The following VGLL4 variants were observed in gnomAD, a reference collection of about 807,000 sequenced individuals.
The protein encoded by VGLL4 is vestigial like family member 4.
A neutral mutation model predicts 21.0 loss-of-function variants in VGLL4; 7 were observed. The observed-to-expected ratio is 0.33, with a 90% CI of 0.19 to 0.63. VGLL4 has a LOEUF of 0.63. Among genes scored for constraint, VGLL4 ranks in the 20% least tolerant of loss-of-function variants. The probability of loss-of-function intolerance (pLI) is 0.78; values close to 1 mark genes in which losing one functional copy is unlikely to be tolerated. For missense variants in VGLL4, 394 were observed against 425.7 expected, an observed-to-expected ratio of 0.93 and a Z score of 0.66; for synonymous variants, 222 against 173.2, an observed-to-expected ratio of 1.28 and a Z score of -2.21.
intron 2 of VGLL4, among the ~76,000 whole-genome samples, chr3:11,656,817 C>G (rs2075965736): frequency 6.6e-6 from 1 of 152,142 alleles, no homozygotes; most frequent in Non-Finnish European, 1.5e-5. Context: ...TCCAGGCTCT[C>G]AGAGAAGCAA....
At chr3:11,607,843 A>C (rs2074979542) in intron 1 of VGLL4, among the ~76,000 whole-genome samples, 1 of 152,236 alleles carries the variant, frequency 6.6e-6, no homozygotes, top group South Asian at 2.1e-4. Flanking sequence ...AAAAAGTCAA[A>C]TCAGTGAAAC....
At chr3:11,670,756 G>A (rs28469018) in intron 2 of VGLL4, among the ~76,000 whole-genome samples, 33,050 of 152,030 alleles carry the variant, frequency 0.22, 4,226 homozygotes, top group African/African-American at 0.35. Context: ...GAGAGTGGTG[G>A]GCCAGGCACA....
At chr3:11,690,798 G>A (rs751952726) in intron 2 of VGLL4, among the ~76,000 whole-genome samples, 2 of 152,100 alleles carry the variant, frequency 1.3e-5, no homozygotes, top group Admixed American at 6.6e-5. Context: ...TAAATCTAAA[G>A]CCAATGAGGA....
At chr3:11,606,918 G>GT (rs1464527228) in intron 1 of VGLL4, among the ~76,000 whole-genome samples, 1 of 152,146 alleles carries the variant, frequency 6.6e-6, no homozygotes, top group Non-Finnish European at 1.5e-5. Flanking sequence ...TTTAAGAGCT[G>GT]TAACACTCAC....
chr3:11,668,847 C>G (rs17035069), intron 2 of VGLL4, among the ~76,000 whole-genome samples: 38,042 of 152,146 alleles, frequency 0.25, 5,101 homozygotes, highest in South Asian at 0.35. Flanking sequence ...TCCCAACTAA[C>G]CATCCCATTA....
intron 1 of VGLL4, among the ~76,000 whole-genome samples, chr3:11,615,683 C>T (rs1355425199): frequency 6.6e-6 from 1 of 152,052 alleles, no homozygotes; most frequent in Non-Finnish European, 1.5e-5. Context: ...TTTTTATTTC[C>T]CATACTCATT....
intron 1 of VGLL4, chr3:11,610,427 G>C (rs1397514109): frequency 6.6e-6 from 1 of 152,162 alleles, no homozygotes; most frequent in Non-Finnish European, 1.5e-5. Context: ...AAGCCGTGAC[G>C]TGCTGTCTGC....
chr3:11,581,824 G>A (rs568575353), intron 2 of VGLL4, among the ~76,000 whole-genome samples: 14 of 152,326 alleles, frequency 9.2e-5, no homozygotes, highest in African/African-American at 2.4e-4. Flanking sequence ...TTTTGGAGGC[G>A]ATCTTGGCAG....
At chr3:11,643,315 G>A in intron 1 of VGLL4, 122 bp downstream of exon 1, 11 of 1,470,002 alleles carry the variant, frequency 7.5e-6, no homozygotes, top group Non-Finnish European at 1.0e-5. Context: ...AGAAACGCCG[G>A]CCTTTCAAGT....
In VGLL4 at chr3:11,573,291, GAAAGAAAGAAAGAAAGGAAGGAAGGAAGA is replaced by G. The variant is rs2073883843; in HGVS notation, c.273-8301_273-8273del. 3.7e-4 allele frequency among the ~76,000 whole-genome samples: 4 copies of G among 10,914 alleles called. 1 individual carries two copies. The highest frequency in any genetic ancestry group is 3.0e-3 in the African/African-American group (4 of 1,344). The allele number at this position is 10,914 out of a possible 152,430, so 7.2% of individuals were successfully genotyped here. On this transcript the variant is annotated intron_variant, in intron 2 of 4. Transcript: ENST00000430365. The stretch of plus-strand genomic sequence containing the variant: ...AGAAAGAAAGAAAGAAAGAAAGAAA[GAAAGAAAGAAAGAAAGGAAGGAAGGAAGA>G]AAGAAAGAAAGAAAGAAAGAAAGAA...
chr3:11,710,149 C>A (rs1404829023), intron 1 of VGLL4, among the ~76,000 whole-genome samples: 1 of 152,180 alleles, frequency 6.6e-6, no homozygotes, highest in African/African-American at 2.4e-5. Context: ...GGCACTAAAC[C>A]ATTCATGAGG....
chr3:11,638,018 C>T (rs2075620825), intron 1 of VGLL4, among the ~76,000 whole-genome samples: 1 of 152,172 alleles, frequency 6.6e-6, no homozygotes, highest in African/African-American at 2.4e-5. Context: ...GAAACATTCC[C>T]TGGTCCGACT....
chr3:11,612,383 T>TA (rs1200068855), intron 1 of VGLL4, among the ~76,000 whole-genome samples: 1 of 152,192 alleles, frequency 6.6e-6, no homozygotes, highest in Non-Finnish European at 1.5e-5. Context: ...ACTAATGTCT[T>TA]ACTATACATA....
chr3:11,627,228 A>ACTCTCTCTCTCTCT (rs1412462202), intron 1 of VGLL4: 66 of 123,456 alleles, frequency 5.3e-4, no homozygotes, highest in African/African-American at 2.5e-3. Context: ...ACACACACAC[A>ACTCTCTCTCTCTCT]CACTCTCTCT....
chr3:11,689,324 G>C (rs1410930357), intron 2 of VGLL4, among the ~76,000 whole-genome samples: 12 of 151,892 alleles, frequency 7.9e-5, no homozygotes, highest in Non-Finnish European at 1.8e-4. Flanking sequence ...TCCTTTCCTC[G>C]TCCCGCTTCC....
intron 4 of VGLL4, 49 bp downstream of exon 4, chr3:11,559,283 T>C (rs750565393): frequency 1.6e-5 from 23 of 1,482,796 alleles, no homozygotes; most frequent in Non-Finnish European, 2.0e-5. Flanking sequence ...AGAAGGGCTC[T>C]GCTGCCACTA....
rs963291664 is a variant in VGLL4, at chr3:11,719,860, G to A, written c.-14+534C>T. Among the ~76,000 whole-genome samples, 4 of 151,894 alleles carry A rather than the reference G, an allele frequency of 2.6e-5. No individual in the cohort carries two copies. Among genetic ancestry groups the A allele is most frequent in the Non-Finnish European group, 5.9e-5 (4 of 67,934 alleles). ...GGGCCGATGCCGGCGCGCTGGGGCA[G>A]TGAGGTTTGTCGGGGCGGGCGCTCC... is the stretch of plus-strand genomic sequence containing the variant. On this transcript the variant is annotated intron_variant, in intron 1 of 5. Transcript: ENST00000273038. The surrounding 1 kb of genome is among the most constrained non-coding windows in gnomAD (Gnocchi z 4.0).
At chr3:11,581,478 A>G (rs780953838) in intron 2 of VGLL4, among the ~76,000 whole-genome samples, 1 of 152,266 alleles carries the variant, frequency 6.6e-6, no homozygotes, top group Non-Finnish European at 1.5e-5. Flanking sequence ...CCGGCCCTCA[A>G]GCAGTCACTT....
At chr3:11,623,205 G>T (rs556131950) in intron 1 of VGLL4, among the ~76,000 whole-genome samples, 2 of 152,126 alleles carry the variant, frequency 1.3e-5, no homozygotes, top group African/African-American at 4.8e-5. Context: ...AGGCTCTGTC[G>T]ACTGGCTGGA....
Sources: allele counts gnomAD v4.1 joint callset (sites outside exome capture counted in the v4.1 genomes callset), GRCh38; gene constraint gnomAD v4.1.1; non-coding constraint Gnocchi (gnomAD v3.1); transcripts MANE v1.5; gene names NCBI Gene and HGNC (gene_info 2026-07-23, HGNC 2026-07-21).